Variants in PTK2B observed in about 807,000 individuals in gnomAD.
PTK2B encodes protein tyrosine kinase 2 beta.
PTK2B carries 71 observed loss-of-function variants against 142.9 expected under a neutral mutation model. The observed-to-expected ratio is 0.50, with a 90% CI of 0.41 to 0.61. PTK2B has a LOEUF of 0.61. Among genes scored for constraint, PTK2B ranks in the 20% least tolerant of loss-of-function variants. The probability of loss-of-function intolerance (pLI) is 0.00; values close to 1 mark genes in which losing one functional copy is unlikely to be tolerated. For missense variants in PTK2B, 1,105 were observed against 1,320.4 expected (o/e 0.84, Z 2.53); for synonymous variants, 519 against 503.4 (o/e 1.03, Z -0.42).
chr8:27,420,077 G>A lies in PTK2B; in HGVS notation c.383+4G>A, dbSNP rs1465845023. ...TGCACGTGGAAGCCGAGTGGAGGTA[G>A]GAGTGGATTCCTGGGCTCTGGAAGT... is the stretch of plus-strand genomic sequence containing the variant. On this transcript the variant is annotated splice_donor_region_variant and intron_variant, in intron 3 of 30. Coordinates refer to ENST00000346049, the MANE Select transcript of PTK2B (RefSeq NM_173176.3). The A allele has an allele frequency of 6.2e-7, 1 of 1,613,872 alleles. No individual in the cohort carries two copies. Among genetic ancestry groups the A allele is most frequent in the South Asian group, 1.1e-5 (1 of 91,058 alleles).
chr8:27,458,008 C>G (rs868272030), intron 30 of PTK2B, among the ~76,000 whole-genome samples: 1 of 148,578 alleles, frequency 6.7e-6, no homozygotes, highest in Non-Finnish European at 1.5e-5. Context: ...AGATCAGATT[C>G]GCATTTTAGA....
chr8:27,430,728 G>GT, intron 7 of PTK2B, 148 bp from the exon 8 acceptor site: 1 of 1,221,092 alleles, frequency 8.2e-7, no homozygotes, highest in Non-Finnish European at 1.1e-6. Context: ...ATGGGTATGG[G>GT]TTTTAGGTCA....
chr8:27,389,597 CAG>C (rs1208180585), intron 1 of PTK2B, among the ~76,000 whole-genome samples: 1 of 152,194 alleles, frequency 6.6e-6, no homozygotes, highest in African/African-American at 2.4e-5. Flanking sequence ...GAGCTGGCAA[CAG>C]GGGGACTCCC....
intron 24 of PTK2B, among the ~76,000 whole-genome samples, chr8:27,446,614 C>T (rs1045244852): frequency 3.3e-5 from 5 of 152,290 alleles, no homozygotes; most frequent in Admixed American, 2.6e-4. Flanking sequence ...ATACAAATGG[C>T]CCCTAGTGGT....
chr8:27,357,732 G>A (rs1246181356), intron 1 of PTK2B, among the ~76,000 whole-genome samples: 2 of 152,254 alleles, frequency 1.3e-5, no homozygotes, highest in East Asian at 1.9e-4. Flanking sequence ...AGATAACAGA[G>A]TAGGTGCTCT....
chr8:27,342,301 T>C (rs1804450751), intron 1 of PTK2B, among the ~76,000 whole-genome samples: 1 of 151,622 alleles, frequency 6.6e-6, no homozygotes, highest in Admixed American at 6.6e-5. Context: ...TTTTTTTTTT[T>C]CTTGAGACAG....
intron 1 of PTK2B, among the ~76,000 whole-genome samples, chr8:27,359,537 A>AACCCAC (rs1805581407): frequency 1.3e-5 from 2 of 152,174 alleles, no homozygotes; most frequent in Admixed American, 1.3e-4. Context: ...ATGGATCGTC[A>AACCCAC]CTGTGAATTG....
intron 27 of PTK2B, chr8:27,451,824 G>GGAA: frequency 3.4e-6 from 4 of 1,188,654 alleles, no homozygotes; most frequent in Non-Finnish European, 4.2e-6. Flanking sequence ...TGCTCTGTTG[G>GGAA]AAGCTCCCGT....
At chr8:27,349,626 G>GAGCACCT (rs1472595062) in intron 1 of PTK2B, among the ~76,000 whole-genome samples, 4 of 152,222 alleles carry the variant, frequency 2.6e-5, no homozygotes, top group African/African-American at 9.6e-5. Flanking sequence ...ATGGAGCGAA[G>GAGCACCT]AGCACCTGGC....
At chr8:27,404,150 G>A (rs1036560170) in intron 2 of PTK2B, among the ~76,000 whole-genome samples, 1 of 152,054 alleles carries the variant, frequency 6.6e-6, no homozygotes, top group African/African-American at 2.4e-5. Context: ...GGTCACCTTC[G>A]TCTAAGGCCC....
chr8:27,448,202 A>G (rs1467817753), intron 24 of PTK2B, among the ~76,000 whole-genome samples: 1 of 152,278 alleles, frequency 6.6e-6, no homozygotes, highest in Non-Finnish European at 1.5e-5. Context: ...GTGGGAAACC[A>G]CAGGACAAGT....
intron 1 of PTK2B, among the ~76,000 whole-genome samples, chr8:27,362,944 C>T (rs1213676436): frequency 6.6e-6 from 1 of 152,228 alleles, no homozygotes; most frequent in African/African-American, 2.4e-5. Context: ...TGTCACCTCT[C>T]TGGAGCATCT....
In PTK2B at chr8:27,337,435, C is replaced by T. The variant is rs911128727; in HGVS notation, c.-38+11754C>T. 1.3e-5 allele frequency among the ~76,000 whole-genome samples: 2 copies of T among 152,118 alleles called. 1 individual carries two copies. Among genetic ancestry groups the T allele is most frequent in the South Asian group, 4.1e-4 (2 of 4,832 alleles). On this transcript the variant is annotated intron_variant, in intron 1 of 30. Transcript: ENST00000346049. ...ACAGGCGTGAGCTACTGCGCCTGGC[C>T]CTCCATCACTGCTATCTAATTGCAG...
chr8:27,422,120 G>A (rs1809793445), intron 4 of PTK2B, among the ~76,000 whole-genome samples, 184 bp from the exon 5 acceptor site: 3 of 152,274 alleles, frequency 2.0e-5, no homozygotes, highest in East Asian at 1.9e-4. Context: ...TCACAGGCTC[G>A]GCCTGTGGAG....
intron 1 of PTK2B, among the ~76,000 whole-genome samples, chr8:27,374,100 G>A (rs1045877497): frequency 1.3e-5 from 2 of 152,148 alleles, no homozygotes; most frequent in Non-Finnish European, 2.9e-5. Context: ...AAGTGGGAAC[G>A]CTGATACATA....
intron 2 of PTK2B, among the ~76,000 whole-genome samples, chr8:27,414,590 TTCTC>T (rs557915838): frequency 2.3e-5 from 2 of 87,508 alleles, no homozygotes; most frequent in Non-Finnish European, 2.9e-5. Flanking sequence ...GAAGCTCAGT[TTCTC>T]TCTCTCTCTC....
intron 2 of PTK2B, among the ~76,000 whole-genome samples, chr8:27,418,897 G>A (rs542922628): frequency 2.0e-5 from 3 of 152,306 alleles, no homozygotes; most frequent in East Asian, 1.9e-4. Flanking sequence ...GCGTGGTGGT[G>A]CCTACCTGTA....
In PTK2B at chr8:27,433,506, G is replaced by A; in HGVS notation, c.1059G>A (p.Arg353=). Reference sequence around the variant, plus strand: ...CTGACCTCATAGACGGCTACTGCCGGCTGCAGGGTGAGCACCAAGGCTCTC... The same window carrying A: ...CTGACCTCATAGACGGCTACTGCCGACTGCAGGGTGAGCACCAAGGCTCTC... The part of the protein sequence containing the change: ...NMADLIDGYC[R]LQGEHQGSLI... The change falls in exon 11 of 31, where the codon CGG becomes CGA. Residue 353 remains arginine, a synonymous_variant. Transcript: ENST00000346049. 8.7e-6 allele frequency: 14 copies of A among 1,614,218 alleles called. No homozygotes were observed. Among genetic ancestry groups the A allele is most frequent in the Non-Finnish European group, 1.2e-5 (14 of 1,180,008 alleles).
At chr8:27,329,144 G>A (rs1164151439) in intron 1 of PTK2B, among the ~76,000 whole-genome samples, 1 of 152,056 alleles carries the variant, frequency 6.6e-6, no homozygotes, top group Non-Finnish European at 1.5e-5. Flanking sequence ...CGCCATGTTG[G>A]CCAGGAGGGT....
Sources: gnomAD v4.1 joint callset for allele counts (sites outside exome capture counted in the v4.1 genomes callset) on GRCh38, gnomAD v4.1.1 for gene constraint, MANE v1.5 for transcripts, NCBI Gene and HGNC (gene_info 2026-07-23, HGNC 2026-07-21) for gene names.